Variants in PDE11A observed in about 807,000 individuals in gnomAD.
The protein encoded by PDE11A is dual 3',5'-cyclic-AMP and -GMP phosphodiesterase 11A.
Under a neutral mutation model 100.5 loss-of-function variants are expected in PDE11A, and 100 were observed. That is an observed-to-expected ratio of 1.00 (90% CI 0.85 to 1.18). PDE11A has a LOEUF of 1.18. Among genes scored for constraint, PDE11A ranks in the 50% most tolerant of loss-of-function variants. The probability of loss-of-function intolerance (pLI) is 0.00; values close to 1 mark genes in which losing one functional copy is unlikely to be tolerated. For synonymous variants in PDE11A, 381 were observed against 420.8 expected, an observed-to-expected ratio of 0.91 and a Z score of 1.16; for missense variants, 1,141 against 1,152.6, an observed-to-expected ratio of 0.99 and a Z score of 0.15.
intron 6 of PDE11A, among the ~76,000 whole-genome samples, chr2:177,838,505 A>C (rs1301618735): frequency 6.6e-6 from 1 of 152,208 alleles, no homozygotes; most frequent in Non-Finnish European, 1.5e-5. Flanking sequence ...CCAAAGAGGT[A>C]ATTCTAACTG....
At chr2:178,010,801 A>G (rs1226446563) in intron 2 of PDE11A, among the ~76,000 whole-genome samples, 1 of 152,232 alleles carries the variant, frequency 6.6e-6, no homozygotes, top group East Asian at 1.9e-4. Flanking sequence ...GTTAAAACGT[A>G]GAATGCAAAT....
chr2:177,848,191 C>A (rs1334943398), intron 5 of PDE11A, among the ~76,000 whole-genome samples: 1 of 151,970 alleles, frequency 6.6e-6, no homozygotes, highest in African/African-American at 2.4e-5. Flanking sequence ...TATTTAATAG[C>A]TTCATACATT....
At chr2:177,655,478 A>C (rs776173624) in intron 19 of PDE11A, among the ~76,000 whole-genome samples, 3 of 152,164 alleles carry the variant, frequency 2.0e-5, no homozygotes, top group Non-Finnish European at 4.4e-5. Flanking sequence ...TCTTCTATTA[A>C]TGAGTCCTCA....
intron 1 of PDE11A, among the ~76,000 whole-genome samples, chr2:178,024,395 G>A (rs1341153778): frequency 1.3e-5 from 2 of 152,188 alleles, no homozygotes; most frequent in Non-Finnish European, 2.9e-5. Flanking sequence ...CTGGGCAACA[G>A]AGCAAGATTC....
At chr2:177,794,155 T>A (rs2105541232) in intron 9 of PDE11A, among the ~76,000 whole-genome samples, 1 of 151,894 alleles carries the variant, frequency 6.6e-6, no homozygotes, top group Non-Finnish European at 1.5e-5. Flanking sequence ...GATTAGCATG[T>A]TGGGGGCAGG....
intron 15 of PDE11A, chr2:177,683,198 G>C (rs957398322): frequency 6.6e-6 from 1 of 152,170 alleles, no homozygotes; most frequent in Non-Finnish European, 1.5e-5. Context: ...TTCTGTATTA[G>C]AGACACAAAG....
chr2:177,949,182 A>T (rs2085477594), intron 2 of PDE11A, among the ~76,000 whole-genome samples: 2 of 152,170 alleles, frequency 1.3e-5, no homozygotes, highest in South Asian at 4.1e-4. Context: ...CAGTCATCCT[A>T]AACAAATTTT....
At position 177,957,910 on chromosome 2, in the gene PDE11A, C is replaced by CTTTTTTTTTTTTTTTTTTTTTTTTT. The variant is rs748839068; in HGVS notation, c.1072-52724_1072-52723insAAAAAAAAAAAAAAAAAAAAAAAAA. 8.0e-4 allele frequency among the ~76,000 whole-genome samples: 92 copies of CTTTTTTTTTTTTTTTTTTTTTTTTT among 114,442 alleles called. 4 individuals are homozygous for CTTTTTTTTTTTTTTTTTTTTTTTTT. The highest frequency in any genetic ancestry group is 8.9e-4 in the African/African-American group (22 of 24,692). The allele number at this position is 114,442 out of a possible 152,430, so 75.1% of individuals were successfully genotyped here. On this transcript the variant is annotated intron_variant, in intron 2 of 19. Coordinates refer to ENST00000286063, the MANE Select transcript of PDE11A (RefSeq NM_016953.4). ...TCCTTTACCTTTGTTTTTCCAATGCCTTTTTTTTGAGACGGAGTCTCTTGC... is the reference window on the plus strand; with the variant it reads ...TCCTTTACCTTTGTTTTTCCAATGCCTTTTTTTTTTTTTTTTTTTTTTTTTTTTTTTTTGAGACGGAGTCTCTTGC...
intron 6 of PDE11A, among the ~76,000 whole-genome samples, chr2:177,829,425 C>CT (rs1018127115): frequency 6.6e-6 from 1 of 151,230 alleles, no homozygotes; most frequent in Non-Finnish European, 1.5e-5. Flanking sequence ...ATATTTTAGT[C>CT]TTTATTAGGG....
chr2:177,742,158 T>C (rs2081881442), intron 10 of PDE11A, among the ~76,000 whole-genome samples: 1 of 152,094 alleles, frequency 6.6e-6, no homozygotes, highest in African/African-American at 2.4e-5. Flanking sequence ...GGAGTGCTTC[T>C]CCAGTCCAAT....
At chr2:178,016,131 A>ATTTTTTTTTTTTT (rs55638601) in intron 1 of PDE11A, among the ~76,000 whole-genome samples, 44 of 83,738 alleles carry the variant, frequency 5.3e-4, no homozygotes, top group African/African-American at 6.4e-4. Context: ...TGCCTGGCTA[A>ATTTTTTTTTTTTT]TTTTTTTTTT....
chr2:177,883,982 C>G (rs141882564), intron 4 of PDE11A, among the ~76,000 whole-genome samples: 1 of 152,174 alleles, frequency 6.6e-6, no homozygotes, highest in South Asian at 2.1e-4. Flanking sequence ...GCCCTTAAAT[C>G]TTCTGCTCAT....
At chr2:178,017,647 A>G (rs1437793965) in intron 1 of PDE11A, among the ~76,000 whole-genome samples, 1 of 152,116 alleles carries the variant, frequency 6.6e-6, no homozygotes, top group Non-Finnish European at 1.5e-5. Context: ...CTACAACAAG[A>G]AAGCTTACTT....
intron 2 of PDE11A, among the ~76,000 whole-genome samples, chr2:177,983,841 A>G (rs2085911405): frequency 6.6e-6 from 1 of 152,076 alleles, no homozygotes; most frequent in Non-Finnish European, 1.5e-5. Context: ...GTGTAATCTG[A>G]TTGTTTCAGT....
intron 2 of PDE11A, among the ~76,000 whole-genome samples, chr2:178,009,973 T>G (rs2105824360): frequency 6.6e-6 from 1 of 152,334 alleles, no homozygotes; most frequent in South Asian, 2.1e-4. Flanking sequence ...GACATGGCAG[T>G]TATGTGTATA....
chr2:177,630,484 C>G (rs1285663151), intron 19 of PDE11A, among the ~76,000 whole-genome samples: 1 of 152,048 alleles, frequency 6.6e-6, no homozygotes, highest in Non-Finnish European at 1.5e-5. Context: ...TAGGGGGTAA[C>G]ATGGGGGCAG....
At chr2:177,756,992 C>G (rs10497487) in intron 10 of PDE11A, among the ~76,000 whole-genome samples, 2 of 152,192 alleles carry the variant, frequency 1.3e-5, no homozygotes, top group East Asian at 3.8e-4. Flanking sequence ...CGAGAAGAAT[C>G]TCAAACAAAA....
chr2:177,730,011 G>A (rs6737254), intron 10 of PDE11A, among the ~76,000 whole-genome samples: 18,045 of 152,024 alleles, frequency 0.12, 2,686 homozygotes, highest in African/African-American at 0.35. Flanking sequence ...GAAACAGAGG[G>A]AAAAAAGATA....
chr2:177,779,335 G>A (rs1274918065), intron 9 of PDE11A, among the ~76,000 whole-genome samples: 1 of 152,048 alleles, frequency 6.6e-6, no homozygotes, highest in Non-Finnish European at 1.5e-5. Context: ...CTGAAGCTAT[G>A]GCAATTTCAT....
Sources: gnomAD v4.1 joint callset for allele counts (sites outside exome capture counted in the v4.1 genomes callset) on GRCh38, gnomAD v4.1.1 for gene constraint, MANE v1.5 for transcripts, NCBI Gene and HGNC (gene_info 2026-07-23, HGNC 2026-07-21) for gene names.